LARGE1: variants seen among roughly 807,000 people sequenced by gnomAD.
LARGE1 encodes the protein xylosyl- and glucuronyltransferase LARGE1.
In LARGE1, 43 loss-of-function variants were observed where a neutral mutation model predicts 87.6. The observed-to-expected ratio is 0.49, with a 90% CI of 0.38 to 0.63. The LOEUF (loss-of-function observed/expected upper bound fraction) is 0.63. Ranked by LOEUF, LARGE1 falls within the 30% of genes least tolerant of loss-of-function variation. The pLI is 0.00. For synonymous variants in LARGE1, 434 were observed against 394.6 expected (o/e 1.10, Z -1.18); for missense variants, 802 against 1,000.2 (o/e 0.80, Z 2.67).
chr22:33,840,010 C>T lies in LARGE1; in HGVS notation c.-82-78452G>A, dbSNP rs150762469. Among the ~76,000 whole-genome samples the T allele has an allele frequency of 3.3e-4, 50 of 152,216 alleles. No individual in the cohort carries two copies. The East Asian group carries it at 8.1e-3, about 25-fold the overall frequency. ...CTGCTGATCCCATTTACTTATGAAA[C>T]GATCTATGGGCCAGATCATTAGAGA... On this transcript the variant is annotated intron_variant, in intron 1 of 14. Transcript: ENST00000397394.
chr22:33,487,175 T>A (rs2069625125), intron 6 of LARGE1, among the ~76,000 whole-genome samples: 1 of 152,206 alleles, frequency 6.6e-6, no homozygotes, highest in Non-Finnish European at 1.5e-5. Flanking sequence ...AATTATTCAT[T>A]CATTCACCTG....
At chr22:33,590,246 TA>T (rs1444524528) in intron 5 of LARGE1, among the ~76,000 whole-genome samples, 1 of 152,250 alleles carries the variant, frequency 6.6e-6, no homozygotes, top group Non-Finnish European at 1.5e-5. Context: ...TAATTAAATA[TA>T]TTTTATTGTA....
intron 5 of LARGE1, among the ~76,000 whole-genome samples, chr22:33,570,507 G>A (rs1258054952): frequency 2.0e-5 from 3 of 152,090 alleles, no homozygotes; most frequent in East Asian, 1.9e-4. Flanking sequence ...AATTAGTTGG[G>A]CATGGTGACG....
chr22:33,696,774 T>C (rs1430687258), intron 2 of LARGE1, among the ~76,000 whole-genome samples: 4 of 152,160 alleles, frequency 2.6e-5, no homozygotes, highest in African/African-American at 7.2e-5. Flanking sequence ...TAGAATTCCA[T>C]TGTAATTTAC....
chr22:33,610,328 A>G (rs1314866819), intron 4 of LARGE1, among the ~76,000 whole-genome samples: 1 of 152,226 alleles, frequency 6.6e-6, no homozygotes, highest in Non-Finnish European at 1.5e-5. Context: ...AGGACACTGA[A>G]GTCCAGTCTG....
At chr22:33,241,624 A>G (rs545011509) in intron 11 of LARGE1, among the ~76,000 whole-genome samples, 6 of 151,910 alleles carry the variant, frequency 3.9e-5, no homozygotes, top group East Asian at 1.9e-4. Context: ...CTATGTACAT[A>G]TATGTATATA....
At chr22:33,710,299 C>CA (rs2082694718) in intron 2 of LARGE1, among the ~76,000 whole-genome samples, 1 of 152,010 alleles carries the variant, frequency 6.6e-6, no homozygotes, top group African/African-American at 2.4e-5. Flanking sequence ...TAAAGACTAA[C>CA]GTCTTCTCAG....
intron 3 of LARGE1, among the ~76,000 whole-genome samples, chr22:33,637,742 AGATGACTGCAACCCCT>A (rs1419470361): frequency 1.3e-5 from 2 of 152,226 alleles, no homozygotes; most frequent in Non-Finnish European, 2.9e-5. Context: ...TCAAACCTTC[AGATGACTGCAACCCCT>A]GATGTCATCT....
At chr22:33,088,379 A>G in the LARGE1 span, among the ~76,000 whole-genome samples, 5 of 152,162 alleles carry the variant, frequency 3.3e-5, no homozygotes, top group Non-Finnish European at 5.9e-5. Context: ...TTCAAAAAAG[A>G]CAGCTTATAA....
intron 6 of LARGE1, among the ~76,000 whole-genome samples, chr22:33,463,977 T>A (rs9621702): frequency 0.032 from 4,858 of 152,164 alleles, 196 homozygotes; most frequent in African/African-American, 0.092. Flanking sequence ...CCCGTTTTAT[T>A]TACGTTTTTA....
chr22:33,072,197 A>G, the LARGE1 span, among the ~76,000 whole-genome samples: 7 of 152,156 alleles, frequency 4.6e-5, no homozygotes, highest in Non-Finnish European at 8.8e-5. Context: ...GAGGCAAAAC[A>G]TATTTCTGTT....
At chr22:33,551,794 G>C (rs1033345463) in intron 6 of LARGE1, among the ~76,000 whole-genome samples, 1 of 151,986 alleles carries the variant, frequency 6.6e-6, no homozygotes, top group African/African-American at 2.4e-5. Flanking sequence ...CAAAGCAGCT[G>C]ATGTTAAAAG....
intron 6 of LARGE1, among the ~76,000 whole-genome samples, chr22:33,534,179 C>T (rs111361735): frequency 3.3e-5 from 5 of 151,542 alleles, no homozygotes; most frequent in African/African-American, 7.3e-5. Flanking sequence ...CCGAGGCAGG[C>T]GGATCACGAG....
At chr22:33,754,706 T>C (rs2084445500) in intron 2 of LARGE1, among the ~76,000 whole-genome samples, 1 of 152,206 alleles carries the variant, frequency 6.6e-6, no homozygotes, top group Non-Finnish European at 1.5e-5. Flanking sequence ...CATTTTGCAT[T>C]CGGCATCCTA....
chr22:33,497,431 A>G (rs2070192866), intron 6 of LARGE1, among the ~76,000 whole-genome samples: 1 of 152,194 alleles, frequency 6.6e-6, no homozygotes, highest in African/African-American at 2.4e-5. Context: ...TCATCACTAT[A>G]AACTAGGGAC....
At chr22:33,892,703 A>G (rs1056605355) in intron 1 of LARGE1, among the ~76,000 whole-genome samples, 1 of 152,208 alleles carries the variant, frequency 6.6e-6, no homozygotes, top group Non-Finnish European at 1.5e-5. Flanking sequence ...AGCCACTGTG[A>G]ATTCTAAAGG....
chr22:33,547,352 G>A (rs1052722598), intron 6 of LARGE1, among the ~76,000 whole-genome samples: 2 of 119,258 alleles, frequency 1.7e-5, no homozygotes, highest in East Asian at 4.2e-4. Context: ...TTCACAACAG[G>A]GTTTGCGCTA....
At chr22:33,719,828 C>A (rs543408379) in intron 2 of LARGE1, among the ~76,000 whole-genome samples, 1 of 152,188 alleles carries the variant, frequency 6.6e-6, no homozygotes, top group East Asian at 1.9e-4. Context: ...CTCATCTATA[C>A]CATATTTTTA....
chr22:33,714,072 G>T (rs1450519142), intron 2 of LARGE1, among the ~76,000 whole-genome samples: 1 of 151,584 alleles, frequency 6.6e-6, no homozygotes, highest in Non-Finnish European at 1.5e-5. Flanking sequence ...AATGAAAGCA[G>T]AATCATCCTG....
Sources: allele counts gnomAD v4.1 joint callset (sites outside exome capture counted in the v4.1 genomes callset), GRCh38; gene constraint gnomAD v4.1.1; transcripts MANE v1.5; gene names NCBI Gene and HGNC (gene_info 2026-07-23, HGNC 2026-07-21).